The following WWTR1 variants were observed in gnomAD, a reference collection of about 807,000 sequenced individuals.
WWTR1 encodes WW domain-containing transcription regulator protein 1.
In WWTR1, 13 loss-of-function variants were observed where a neutral mutation model predicts 40.1. That is an observed-to-expected ratio of 0.32 (90% CI 0.21 to 0.52). WWTR1 has a LOEUF of 0.52. Among genes scored for constraint, WWTR1 ranks in the 20% least tolerant of loss-of-function variants. The probability of loss-of-function intolerance (pLI) is 0.97; values close to 1 mark genes in which losing one functional copy is unlikely to be tolerated. For synonymous variants in WWTR1, 230 were observed against 210.1 expected (o/e 1.09, Z -0.82); for missense variants, 436 against 523.1 (o/e 0.83, Z 1.63).
In WWTR1 at chr3:149,636,324, A is replaced by T. The variant is rs1161544239; in HGVS notation, c.431+20552T>A. On this transcript the variant is annotated intron_variant, in intron 2 of 6. Transcript: ENST00000360632. ...TGTCCTGAAAAGTCCTTTGAAACCC[A>T]AACAGCCTACTCTACCTCTTCAGCT... 3.3e-5 allele frequency among the ~76,000 whole-genome samples: 5 copies of T among 152,344 alleles called. No individual in the cohort carries two copies. In the East Asian group the frequency reaches 9.6e-4, roughly 29 times the overall value.
At chr3:149,665,867 T>C (rs956521396) in intron 2 of WWTR1, among the ~76,000 whole-genome samples, 2 of 152,212 alleles carry the variant, frequency 1.3e-5, no homozygotes, top group African/African-American at 2.4e-5. Context: ...CTCTCAGAAG[T>C]ACAAACCATA....
intron 2 of WWTR1, among the ~76,000 whole-genome samples, chr3:149,627,437 AG>A (rs1740619819): frequency 6.6e-6 from 1 of 152,206 alleles, no homozygotes; most frequent in African/African-American, 2.4e-5. Flanking sequence ...TATGGTATAC[AG>A]TCCTAGGAGT....
intron 2 of WWTR1, among the ~76,000 whole-genome samples, chr3:149,627,642 G>A (rs1740629656): frequency 6.6e-6 from 1 of 152,184 alleles, no homozygotes; most frequent in Non-Finnish European, 1.5e-5. Context: ...TATCCATGTT[G>A]TCCATGAAAT....
intron 2 of WWTR1, among the ~76,000 whole-genome samples, chr3:149,599,257 C>G (rs142767693): frequency 2.6e-5 from 4 of 152,228 alleles, no homozygotes; most frequent in African/African-American, 9.6e-5. Flanking sequence ...GTTCTTGGAC[C>G]TTCTGCTAGT....
At chr3:149,623,064 T>A (rs1333324956) in intron 2 of WWTR1, among the ~76,000 whole-genome samples, 1 of 152,066 alleles carries the variant, frequency 6.6e-6, no homozygotes, top group African/African-American at 2.4e-5. Flanking sequence ...CTTAAAAATC[T>A]TTGAGAATGT....
intron 3 of WWTR1, among the ~76,000 whole-genome samples, chr3:149,570,008 A>G (rs770410946): frequency 7.2e-5 from 11 of 152,218 alleles, no homozygotes; most frequent in Non-Finnish European, 1.3e-4. Flanking sequence ...GTTTAAAGAT[A>G]TATAATAAAG....
chr3:149,686,879 T>C (rs1714672989), intron 1 of WWTR1, among the ~76,000 whole-genome samples: 1 of 152,148 alleles, frequency 6.6e-6, no homozygotes, highest in Non-Finnish European at 1.5e-5. Context: ...TCTGAGTACA[T>C]CTGTTGCACA....
In WWTR1 at chr3:149,644,139, G is replaced by A. The variant is rs138810058; in HGVS notation, c.431+12737C>T. On this transcript the variant is annotated intron_variant, in intron 2 of 6. Transcript: ENST00000360632. ...AGTACGGCTTGCTACAATTAGAGGC[G>A]CCACCAGCCCTGACATTATACAGCC... Among the ~76,000 whole-genome samples, 1,257 of 152,120 alleles carry A rather than the reference G, an allele frequency of 8.3e-3. 12 individuals are homozygous for A. The highest frequency in any genetic ancestry group is 0.021 in the Middle Eastern group (6 of 292).
At chr3:149,532,275 C>CA (rs200128276) in intron 4 of WWTR1, among the ~76,000 whole-genome samples, 2,969 of 151,722 alleles carry the variant, frequency 0.02, 102 homozygotes, top group African/African-American at 0.068. Context: ...ATTCCAATCT[C>CA]AAAAAAAACA....
chr3:149,519,010 G>A lies in WWTR1; in HGVS notation c.*1795C>T, dbSNP rs1560040139. ...CATGTATATTCCGGTAGATCAAAAG[G>A]AATCTTATTTAAGATCCCCAACAAA... is the stretch of plus-strand genomic sequence containing the variant. On this transcript the variant is annotated 3_prime_UTR_variant, in exon 7 of 7. Coordinates refer to ENST00000360632, the MANE Select transcript of WWTR1 (RefSeq NM_015472.6). 6.6e-6 allele frequency: 1 copy of A among 151,752 alleles called. No individual in the cohort carries two copies. The highest frequency in any genetic ancestry group is 1.5e-5 in the Non-Finnish European group (1 of 67,966). The allele number at this position is 151,752 out of a possible 1,614,324, so 9.4% of individuals were successfully genotyped here.
At chr3:149,627,537 A>T (rs1372971932) in intron 2 of WWTR1, among the ~76,000 whole-genome samples, 1 of 152,190 alleles carries the variant, frequency 6.6e-6, no homozygotes, top group East Asian at 1.9e-4. Flanking sequence ...AGCCAGGAAG[A>T]AAGGAATAGG....
intron 2 of WWTR1, among the ~76,000 whole-genome samples, chr3:149,619,015 T>C (rs1740139153): frequency 6.6e-6 from 1 of 152,206 alleles, no homozygotes; most frequent in African/African-American, 2.4e-5. Flanking sequence ...AAGATAAACG[T>C]GCCATTCTGT....
chr3:149,593,074 G>A (rs80042345), intron 2 of WWTR1, among the ~76,000 whole-genome samples: 6 of 152,184 alleles, frequency 3.9e-5, no homozygotes, highest in East Asian at 1.9e-4. Flanking sequence ...TGCAGGATCC[G>A]CGTGATCTGA....
chr3:149,590,529 C>T (rs1738651544), intron 2 of WWTR1, among the ~76,000 whole-genome samples: 1 of 151,970 alleles, frequency 6.6e-6, no homozygotes, highest in Admixed American at 6.6e-5. Flanking sequence ...GGGTGTAATC[C>T]CAGCTACTCG....
In WWTR1 at chr3:149,628,695, T is replaced by C. The variant is rs75593096; in HGVS notation, c.431+28181A>G. ...AGTACCAAGAAAGATTCTAATCCAA[T>C]GGTACAAGTCTCTCAAGTCTCACAA... On this transcript the variant is annotated intron_variant, in intron 2 of 6. Coordinates refer to ENST00000360632, the MANE Select transcript of WWTR1 (RefSeq NM_015472.6). Among the ~76,000 whole-genome samples, 117 of 152,314 alleles carry C rather than the reference T, an allele frequency of 7.7e-4. 1 individual carries two copies. The highest frequency in any genetic ancestry group is 2.7e-3 in the African/African-American group (111 of 41,576).
At chr3:149,641,454 G>A (rs950890565) in intron 2 of WWTR1, among the ~76,000 whole-genome samples, 1 of 152,202 alleles carries the variant, frequency 6.6e-6, no homozygotes, top group Non-Finnish European at 1.5e-5. Flanking sequence ...CACACATGAG[G>A]TAAGCTGGAC....
At chr3:149,667,547 C>CA (rs10611956) in intron 2 of WWTR1, among the ~76,000 whole-genome samples, 131 of 137,488 alleles carry the variant, frequency 9.5e-4, no homozygotes, top group Middle Eastern at 3.7e-3. Flanking sequence ...GACTCCATCT[C>CA]AAAAAAAAAA....
intron 2 of WWTR1, among the ~76,000 whole-genome samples, chr3:149,599,911 A>G (rs1278971185): frequency 6.6e-6 from 1 of 152,208 alleles, no homozygotes; most frequent in East Asian, 1.9e-4. Flanking sequence ...CCTGGGATTC[A>G]ACCAACATTG....
At chr3:149,642,328 G>T (rs972223656) in intron 2 of WWTR1, among the ~76,000 whole-genome samples, 2 of 152,132 alleles carry the variant, frequency 1.3e-5, no homozygotes, top group East Asian at 3.9e-4. Flanking sequence ...GCTGAGGCAG[G>T]AGAATTGCTT....
Sources: gnomAD v4.1 joint callset for allele counts (sites outside exome capture counted in the v4.1 genomes callset) on GRCh38, gnomAD v4.1.1 for gene constraint, MANE v1.5 for transcripts, NCBI Gene and HGNC (gene_info 2026-07-23, HGNC 2026-07-21) for gene names.